Variants in CAP2 observed in about 807,000 individuals in gnomAD.
The protein encoded by CAP2 is cyclase associated actin cytoskeleton regulatory protein 2.
In CAP2, 24 loss-of-function variants were observed where a neutral mutation model predicts 57.7. The observed-to-expected ratio is 0.42, with a 90% CI of 0.30 to 0.58. CAP2 has a LOEUF of 0.58. Among genes scored for constraint, CAP2 ranks in the 20% least tolerant of loss-of-function variants. The probability of loss-of-function intolerance (pLI) is 0.22; values close to 1 mark genes in which losing one functional copy is unlikely to be tolerated. For synonymous variants in CAP2, 194 were observed against 207.2 expected, an observed-to-expected ratio of 0.94 and a Z score of 0.55; for missense variants, 501 against 590.3, an observed-to-expected ratio of 0.85 and a Z score of 1.57.
At chr6:17,446,555 G>A (rs1243388613) in intron 3 of CAP2, among the ~76,000 whole-genome samples, 3 of 152,256 alleles carry the variant, frequency 2.0e-5, no homozygotes, top group Non-Finnish European at 4.4e-5. Context: ...ATGCACTTAA[G>A]AGAGATTTGT....
chr6:17,441,954 A>G (rs1311691429), intron 3 of CAP2, among the ~76,000 whole-genome samples: 5 of 152,202 alleles, frequency 3.3e-5, no homozygotes, highest in Non-Finnish European at 4.4e-5. Context: ...AACAGCAACA[A>G]TAACATGTAG....
intron 7 of CAP2, among the ~76,000 whole-genome samples, chr6:17,515,210 A>G (rs577262211): frequency 5.7e-4 from 87 of 151,948 alleles, no homozygotes; most frequent in Non-Finnish European, 1.1e-3. Context: ...AAAAAAAAAA[A>G]TGTGTGATAG....
chr6:17,551,455 C>T lies in CAP2; in HGVS notation c.1210-9C>T. On this transcript the variant is annotated splice_polypyrimidine_tract_variant and intron_variant, in intron 11 of 12. Transcript: ENST00000229922. Reference sequence around the variant, plus strand: ...TTGCTTTGGTCCCAGGTATTTTTTCCTATTTCAGGTAATGGGGAGAGTGCC... The same window carrying T: ...TTGCTTTGGTCCCAGGTATTTTTTCTTATTTCAGGTAATGGGGAGAGTGCC... The T allele has an allele frequency of 3.2e-6, 5 of 1,577,030 alleles. No homozygotes were observed. The highest frequency in any genetic ancestry group is 3.7e-5 in the Admixed American group (2 of 53,348).
intron 3 of CAP2, among the ~76,000 whole-genome samples, chr6:17,435,500 G>A (rs1440209424): frequency 4.0e-5 from 3 of 74,144 alleles, no homozygotes; most frequent in African/African-American, 1.0e-4. Context: ...ATGGACACAG[G>A]AAGGGGAATA....
chr6:17,452,358 G>C (rs530207388), intron 3 of CAP2, among the ~76,000 whole-genome samples: 8 of 152,296 alleles, frequency 5.3e-5, no homozygotes, highest in Non-Finnish European at 7.3e-5. Context: ...ACAAGCAGAC[G>C]TATATGTTTC....
At position 17,481,444 on chromosome 6, in the gene CAP2, C is replaced by CA. The variant is rs201619310; in HGVS notation, c.300+18379dup. 8.8e-3 allele frequency among the ~76,000 whole-genome samples: 464 copies of CA among 52,910 alleles called. 2 individuals are homozygous for CA. Among genetic ancestry groups the CA allele is most frequent in the African/African-American group, 0.046 (426 of 9,266 alleles). The allele number at this position is 52,910 out of a possible 152,430, so 34.7% of individuals were successfully genotyped here. A position where few individuals can be genotyped will look rare whatever the true frequency, so the allele number is the denominator to read the frequency against. ...TAAACTTGGATTCTTTTCTAGGAAA[C>CA]AAAAAAAACTTTTGTTCATCTTCAG... On this transcript the variant is annotated intron_variant, in intron 4 of 12. Coordinates refer to ENST00000229922, the MANE Select transcript of CAP2 (RefSeq NM_006366.3).
intron 3 of CAP2, among the ~76,000 whole-genome samples, chr6:17,431,965 A>G (rs1759749927): frequency 6.6e-6 from 1 of 152,072 alleles, no homozygotes; most frequent in Non-Finnish European, 1.5e-5. Flanking sequence ...GAACCATGTC[A>G]GAAAAAGGAT....
chr6:17,403,145 A>G (rs1181758143), intron 1 of CAP2, among the ~76,000 whole-genome samples: 1 of 152,176 alleles, frequency 6.6e-6, no homozygotes, highest in African/African-American at 2.4e-5. Flanking sequence ...TCTGTCACCC[A>G]GGCTGGAGTG....
chr6:17,484,283 T>C (rs1361938708), intron 4 of CAP2, among the ~76,000 whole-genome samples: 1 of 151,910 alleles, frequency 6.6e-6, no homozygotes, highest in Non-Finnish European at 1.5e-5. Flanking sequence ...GTTGCACGAG[T>C]CTGCGTCTGT....
At chr6:17,457,629 G>A (rs1162251796) in intron 3 of CAP2, among the ~76,000 whole-genome samples, 1 of 152,218 alleles carries the variant, frequency 6.6e-6, no homozygotes, top group East Asian at 1.9e-4. Flanking sequence ...TAAGCAAAAT[G>A]GAAGGGAGAG....
At chr6:17,479,691 C>T (rs1185199795) in intron 4 of CAP2, among the ~76,000 whole-genome samples, 1 of 149,292 alleles carries the variant, frequency 6.7e-6, no homozygotes, top group African/African-American at 2.5e-5. Flanking sequence ...GGCTCACTGC[C>T]AGCTCCGCCT....
intron 12 of CAP2, among the ~76,000 whole-genome samples, chr6:17,553,042 A>G (rs1302431874): frequency 1.3e-5 from 2 of 152,200 alleles, no homozygotes; most frequent in Non-Finnish European, 2.9e-5. Context: ...ACCTAAAAAA[A>G]TTCCTGAAGA....
intron 4 of CAP2, among the ~76,000 whole-genome samples, chr6:17,474,645 T>G (rs1761102391): frequency 6.6e-6 from 1 of 152,228 alleles, no homozygotes; most frequent in Non-Finnish European, 1.5e-5. Flanking sequence ...TTGAACTTCC[T>G]CAGCACCTAT....
At chr6:17,518,158 T>C (rs909469354) in intron 7 of CAP2, among the ~76,000 whole-genome samples, 2 of 152,232 alleles carry the variant, frequency 1.3e-5, no homozygotes, top group East Asian at 3.8e-4. Flanking sequence ...AAAAATCTTT[T>C]GTCAAGCTTT....
At chr6:17,536,325 T>C (rs986060906) in intron 7 of CAP2, 13 of 456,566 alleles carry the variant, frequency 2.8e-5, no homozygotes, top group Admixed American at 2.1e-4. Flanking sequence ...TCAGTTTGAT[T>C]TCGAGTCCAC....
chr6:17,496,036 G>GGGGA lies in CAP2; in HGVS notation c.301-11130_301-11129insAGGG, dbSNP rs1554127030. 2.1e-3 allele frequency among the ~76,000 whole-genome samples: 278 copies of GGGGA among 133,732 alleles called. 13 individuals carry two copies. The highest frequency in any genetic ancestry group is 6.6e-3 in the Admixed American group (87 of 13,122). The allele number at this position is 133,732 out of a possible 152,430, so 87.7% of individuals were successfully genotyped here. ...TGCATGCGTGTGTGGGTGGGGGGGG[G>GGGGA]GGGTAAGTCAGGGAAAACAGGCTGC... On this transcript the variant is annotated intron_variant, in intron 4 of 12. Coordinates refer to ENST00000229922, the MANE Select transcript of CAP2 (RefSeq NM_006366.3).
Position 17,421,620 on chromosome 6 carries a change from C to A in CAP2, c.65C>A (p.Ser22Tyr). The A allele has an allele frequency of 6.2e-7, 1 of 1,614,148 alleles. No individual in the cohort carries two copies. Among genetic ancestry groups the A allele is most frequent in the Non-Finnish European group, 8.5e-7 (1 of 1,179,976 alleles). Residue 22 changes from serine (S) to tyrosine (Y), a missense_variant, in exon 2 of 13, where the codon TCT (serine) becomes TAT (tyrosine). Ser to Tyr is a moderately radical substitution (Grantham distance 144). Coordinates refer to ENST00000229922, the MANE Select transcript of CAP2 (RefSeq NM_006366.3). ...GCTGTCAGCCGCCTGGAGTCGCTGT[C>A]TGCAGAGTCCCACAGGCCCCCTGGG... ...ERAVSRLESL[S>Y]AESHRPPGNC...
intron 4 of CAP2, among the ~76,000 whole-genome samples, chr6:17,501,601 C>A (rs1193451202): frequency 6.6e-6 from 1 of 152,156 alleles, no homozygotes. Flanking sequence ...GGTCAAACTC[C>A]CAGAGTTTGT....
intron 1 of CAP2, among the ~76,000 whole-genome samples, chr6:17,417,178 G>T (rs1026401448): frequency 6.6e-6 from 1 of 151,032 alleles, no homozygotes; most frequent in Non-Finnish European, 1.5e-5. Flanking sequence ...GAGGATGGGT[G>T]CACTTCTCAT....
Sources: allele counts gnomAD v4.1 joint callset (sites outside exome capture counted in the v4.1 genomes callset), GRCh38; gene constraint gnomAD v4.1.1; transcripts MANE v1.5; gene names NCBI Gene and HGNC (gene_info 2026-07-23, HGNC 2026-07-21).